The following CNTNAP2 variants were observed in gnomAD, a reference collection of about 807,000 sequenced individuals.
CNTNAP2 encodes the protein contactin-associated protein-like 2.
In CNTNAP2, 98 loss-of-function variants were observed where a neutral mutation model predicts 155.2. That is an observed-to-expected ratio of 0.63 (90% CI 0.54 to 0.75). The LOEUF (loss-of-function observed/expected upper bound fraction) is 0.75. Ranked by LOEUF, CNTNAP2 falls within the 30% of genes least tolerant of loss-of-function variation. CNTNAP2 has a pLI of 0.00. For missense variants in CNTNAP2, 1,727 were observed against 1,688.1 expected, an observed-to-expected ratio of 1.02 and a Z score of -0.40; for synonymous variants, 651 against 631.2, an observed-to-expected ratio of 1.03 and a Z score of -0.47.
At chr7:146,854,303 C>G (rs1017771084) in intron 3 of CNTNAP2, among the ~76,000 whole-genome samples, 3 of 152,178 alleles carry the variant, frequency 2.0e-5, no homozygotes, top group African/African-American at 7.2e-5. Flanking sequence ...GTTGATAATT[C>G]TTTGTTTCTT....
At position 146,291,311 on chromosome 7, in the gene CNTNAP2, G is replaced by C. The variant is rs78492554; in HGVS notation, c.97+174338G>C. Among the ~76,000 whole-genome samples the C allele has an allele frequency of 2.0e-3, 308 of 152,200 alleles. 3 individuals are homozygous for C. Among genetic ancestry groups the C allele is most frequent in the African/African-American group, 7.0e-3 (289 of 41,548 alleles). The stretch of plus-strand genomic sequence containing the variant: ...CAAATTCAGCTAGGTGCTTTTTTGC[G>C]TAGCCCTTGAGCTAAAAATGATTTT... On this transcript the variant is annotated intron_variant, in intron 1 of 23. Transcript: ENST00000361727.
intron 13 of CNTNAP2, among the ~76,000 whole-genome samples, chr7:147,680,177 T>G (rs1795926818): frequency 6.6e-6 from 1 of 151,932 alleles, no homozygotes; most frequent in Non-Finnish European, 1.5e-5. Context: ...GGGGACTATG[T>G]GCAGCATTTC....
chr7:146,848,592 C>T (rs552081862), intron 3 of CNTNAP2, among the ~76,000 whole-genome samples: 47 of 152,204 alleles, frequency 3.1e-4, no homozygotes, highest in Non-Finnish European at 2.1e-4. Flanking sequence ...CCAGCAAAGG[C>T]TTCTTTGGAG....
At chr7:147,455,414 G>A (rs1300244776) in intron 10 of CNTNAP2, among the ~76,000 whole-genome samples, 1 of 152,084 alleles carries the variant, frequency 6.6e-6, no homozygotes, top group East Asian at 1.9e-4. Flanking sequence ...GTTAACATAG[G>A]TAATAAATAA....
At chr7:148,179,581 GC>G (rs1795000354) in intron 18 of CNTNAP2, among the ~76,000 whole-genome samples, 1 of 149,004 alleles carries the variant, frequency 6.7e-6, no homozygotes, top group Non-Finnish European at 1.5e-5. Flanking sequence ...GAGGCGGGGT[GC>G]GGGGGAGAGA....
In CNTNAP2 at chr7:146,602,605, G is replaced by A. The variant is rs543280276; in HGVS notation, c.98-171666G>A. 3.0e-4 allele frequency among the ~76,000 whole-genome samples: 46 copies of A among 152,252 alleles called. No homozygotes were observed. In the South Asian group the frequency reaches 9.3e-3, roughly 31 times the overall value. On this transcript the variant is annotated intron_variant, in intron 1 of 23. Coordinates refer to ENST00000361727, the MANE Select transcript of CNTNAP2 (RefSeq NM_014141.6). ...ATTTCAAAACTTTTGTCACATGTCA[G>A]TGTTAAATATGACATAACTACGTTG...
chr7:147,744,346 T>A (rs1029951054), intron 13 of CNTNAP2, among the ~76,000 whole-genome samples: 1 of 152,216 alleles, frequency 6.6e-6, no homozygotes, highest in Admixed American at 6.5e-5. Flanking sequence ...AAATATCAAC[T>A]TTTCAATTGA....
At chr7:146,772,925 T>C (rs990878301) in intron 1 of CNTNAP2, among the ~76,000 whole-genome samples, 2 of 152,130 alleles carry the variant, frequency 1.3e-5, no homozygotes, top group Non-Finnish European at 2.9e-5. Context: ...GGCAAAACTA[T>C]AGCAGAGTGA....
intron 11 of CNTNAP2, among the ~76,000 whole-genome samples, chr7:147,507,767 A>G (rs9692362): frequency 0.34 from 51,756 of 151,456 alleles, 9,228 homozygotes; most frequent in African/African-American, 0.44. Context: ...GTTAGCCAGG[A>G]TGGTTGATCT....
rs376026016 is a variant in CNTNAP2, at chr7:147,476,169, G to A, written c.1671-9766G>A. 9.9e-5 allele frequency among the ~76,000 whole-genome samples: 15 copies of A among 151,994 alleles called. No individual in the cohort carries two copies. In the East Asian group the frequency reaches 1.4e-3, roughly 14 times the overall value. ...CACCCAGGCTGGAGTGCAGTGGCACGATCTCGGCTCACTGCAATCTCCTCC... is the reference window on the plus strand; with the variant it reads ...CACCCAGGCTGGAGTGCAGTGGCACAATCTCGGCTCACTGCAATCTCCTCC... On this transcript the variant is annotated intron_variant, in intron 10 of 23. Coordinates refer to ENST00000361727, the MANE Select transcript of CNTNAP2 (RefSeq NM_014141.6).
chr7:148,385,894 T>A (rs1230140656), intron 22 of CNTNAP2, among the ~76,000 whole-genome samples: 1 of 151,966 alleles, frequency 6.6e-6, no homozygotes, highest in East Asian at 1.9e-4. Context: ...CCCGCCATCA[T>A]GCCCACTTAA....
chr7:146,494,911 CTA>C (rs1054608006), intron 1 of CNTNAP2, among the ~76,000 whole-genome samples: 2 of 152,210 alleles, frequency 1.3e-5, no homozygotes, highest in African/African-American at 2.4e-5. Context: ...CAAATCTAGT[CTA>C]TGTTTCCATG....
chr7:147,473,182 T>C (rs1481763886), intron 10 of CNTNAP2, among the ~76,000 whole-genome samples: 1 of 152,184 alleles, frequency 6.6e-6, no homozygotes, highest in Non-Finnish European at 1.5e-5. Context: ...ACTGAAGTGT[T>C]AAGAGCTTGC....
intron 13 of CNTNAP2, among the ~76,000 whole-genome samples, chr7:147,729,416 G>GCACA (rs1287265692): frequency 2.2e-5 from 1 of 45,064 alleles, no homozygotes; most frequent in Non-Finnish European, 4.2e-5. Flanking sequence ...GCACACACAC[G>GCACA]CACACACACA....
intron 1 of CNTNAP2, among the ~76,000 whole-genome samples, chr7:146,615,696 G>A (rs1362830430): frequency 1.3e-5 from 2 of 152,150 alleles, no homozygotes; most frequent in Non-Finnish European, 2.9e-5. Context: ...TATCACCTGG[G>A]AGCAGCCCTG....
chr7:146,397,186 G>C (rs1358083), intron 1 of CNTNAP2, among the ~76,000 whole-genome samples: 30 of 152,078 alleles, frequency 2.0e-4, no homozygotes, highest in Non-Finnish European at 2.4e-4. Context: ...ACTGATTCTG[G>C]GTCCATTTTC....
At chr7:148,089,307 C>G (rs1238690798) in intron 15 of CNTNAP2, among the ~76,000 whole-genome samples, 1 of 151,790 alleles carries the variant, frequency 6.6e-6, no homozygotes, top group African/African-American at 2.4e-5. Flanking sequence ...CTAGCCAGAA[C>G]AGTTAGGCAA....
chr7:147,590,252 A>G, intron 12 of CNTNAP2, among the ~76,000 whole-genome samples: 1 of 152,104 alleles, frequency 6.6e-6, no homozygotes, highest in Non-Finnish European at 1.5e-5. Context: ...GTTACATGCC[A>G]TAACCCGTTC....
chr7:147,651,228 G>A (rs1053410317), intron 13 of CNTNAP2, among the ~76,000 whole-genome samples: 1 of 152,196 alleles, frequency 6.6e-6, no homozygotes. Context: ...GGCTGGAACT[G>A]CCAGACACAA....
Sources: allele counts gnomAD v4.1 joint callset (sites outside exome capture counted in the v4.1 genomes callset), GRCh38; gene constraint gnomAD v4.1.1; transcripts MANE v1.5; gene names NCBI Gene and HGNC (gene_info 2026-07-23, HGNC 2026-07-21).